The following TTC7A variants were observed in gnomAD, a reference collection of about 807,000 sequenced individuals.
The protein encoded by TTC7A is tetratricopeptide repeat domain 7A, also known as tetratricopeptide repeat protein 7A.
In TTC7A, 110 loss-of-function variants were observed where a neutral mutation model predicts 103.7. The observed-to-expected ratio is 1.06, with a 90% CI of 0.91 to 1.24. The LOEUF (loss-of-function observed/expected upper bound fraction) is 1.24. Among genes scored for constraint, TTC7A ranks in the 50% most tolerant of loss-of-function variants. TTC7A has a pLI of 0.00. For missense variants in TTC7A, 1,340 were observed against 1,116.3 expected, an observed-to-expected ratio of 1.20 and a Z score of -2.86; for synonymous variants, 521 against 467.9, an observed-to-expected ratio of 1.11 and a Z score of -1.47.
At chr2:47,058,439 T>G (rs1683497855) in intron 18 of TTC7A, among the ~76,000 whole-genome samples, 1 of 152,260 alleles carries the variant, frequency 6.6e-6, no homozygotes, top group African/African-American at 2.4e-5. Context: ...AGGCCTCTCC[T>G]GCTGCCTACT....
chr2:47,060,998 C>A, intron 19 of TTC7A, 27 bp downstream of exon 19: 1 of 1,555,264 alleles, frequency 6.4e-7, no homozygotes, highest in Non-Finnish European at 8.7e-7. Flanking sequence ...CGCGCTCCCA[C>A]CACCTCCTCC....
intron 2 of TTC7A, among the ~76,000 whole-genome samples, chr2:46,955,648 G>A (rs114684892): frequency 4.1e-4 from 63 of 152,342 alleles, no homozygotes; most frequent in African/African-American, 1.5e-3. Flanking sequence ...AGTTGGGAAG[G>A]TGAATTTGGC....
intron 3 of TTC7A, among the ~76,000 whole-genome samples, chr2:46,963,788 A>G (rs780732150): frequency 6.6e-6 from 1 of 152,114 alleles, no homozygotes; most frequent in Non-Finnish European, 1.5e-5. Context: ...CCAGGAGTAC[A>G]TGGTTCTTGC....
In TTC7A at chr2:47,073,978, A is replaced by C; in HGVS notation, c.*55A>C. ...TGGCCAGAGGGAGAGGCAGCAGGGAACGTGGGTCAGGGTGGGGCAACAGTG... is the reference window on the plus strand; with the variant it reads ...TGGCCAGAGGGAGAGGCAGCAGGGACCGTGGGTCAGGGTGGGGCAACAGTG... On this transcript the variant is annotated 3_prime_UTR_variant, in exon 20 of 20. Coordinates refer to ENST00000319190, the MANE Select transcript of TTC7A (RefSeq NM_020458.4). 1.3e-6 allele frequency: 2 copies of C among 1,491,228 alleles called. No individual in the cohort carries two copies. The highest frequency in any genetic ancestry group is 1.8e-6 in the Non-Finnish European group (2 of 1,090,358). The allele number at this position is 1,491,228 out of a possible 1,614,324, so 92.4% of individuals were successfully genotyped here.
intron 3 of TTC7A, among the ~76,000 whole-genome samples, chr2:46,974,314 T>G (rs1428163632): frequency 1.3e-5 from 2 of 152,176 alleles, no homozygotes; most frequent in African/African-American, 4.8e-5. Context: ...AAGTGCAGGG[T>G]CTGCATGACT....
In TTC7A at chr2:47,029,342, A is replaced by T; in HGVS notation, c.1760A>T (p.Asp587Val). ...SAQKHHQHAL[D>V]VVNMAITEHP... Reference sequence around the variant, plus strand: ...CAGAAGCACCACCAGCATGCCCTGGATGTTGTCAACATGGCCATCACCGAG... The same window carrying T: ...CAGAAGCACCACCAGCATGCCCTGGTTGTTGTCAACATGGCCATCACCGAG... Residue 587 changes from aspartate (D) to valine (V), a missense_variant, in exon 15 of 20, where the codon GAT becomes GTT. Transcript: ENST00000319190. The T allele has an allele frequency of 6.2e-7, 1 of 1,614,034 alleles. No individual in the cohort carries two copies. Among genetic ancestry groups the T allele is most frequent in the Non-Finnish European group, 8.5e-7 (1 of 1,180,030 alleles).
chr2:46,978,669 G>C (rs1674119797), intron 4 of TTC7A, 123 bp from the exon 5 acceptor site: 4 of 664,388 alleles, frequency 6.0e-6, no homozygotes, highest in Non-Finnish European at 1.1e-5. Flanking sequence ...CCTGGTCTGA[G>C]AATGCAACAA....
intron 2 of TTC7A, among the ~76,000 whole-genome samples, chr2:46,922,373 G>A (rs1389660175): frequency 1.3e-5 from 2 of 152,160 alleles, no homozygotes; most frequent in Non-Finnish European, 2.9e-5. Flanking sequence ...GGCCTGGGCT[G>A]AGGCTATGTT....
Position 46,975,072 on chromosome 2 carries a change from T to C in TTC7A, c.617T>C (p.Ile206Thr). ...ACCTGTTTTGAGAGGGCCTCCTGGA[T>C]CGCTCAGGTGTTCCTGCAGGAATTG... ...VITCFERASW[I>T]AQVFLQELEK... is the part of the protein sequence containing the mutation. Residue 206 changes from isoleucine to threonine, a missense_variant, in exon 4 of 20, where the codon ATC becomes ACC. Physicochemically the swap from Ile to Thr is moderately conservative, Grantham distance 89. Transcript: ENST00000319190. The C allele has an allele frequency of 6.2e-7, 1 of 1,613,978 alleles. No individual in the cohort carries two copies. Among genetic ancestry groups the C allele is most frequent in the Non-Finnish European group, 8.5e-7 (1 of 1,179,908 alleles).
At chr2:47,043,043 A>C (rs1681933178) in intron 15 of TTC7A, among the ~76,000 whole-genome samples, 1 of 152,134 alleles carries the variant, frequency 6.6e-6, no homozygotes, top group African/African-American at 2.4e-5. Context: ...AATGTCACCC[A>C]CCAGTCCTGA....
chr2:46,972,085 C>G (rs566016109), intron 3 of TTC7A, among the ~76,000 whole-genome samples: 1 of 152,174 alleles, frequency 6.6e-6, no homozygotes, highest in Admixed American at 6.5e-5. Flanking sequence ...AAAGCTGGAT[C>G]TAGGTACTCC....
rs149266167 is a variant in TTC7A, at chr2:47,073,911, C to T, written c.2565C>T (p.Pro855=). The change falls in exon 20 of 20, where the codon CCC becomes CCT. Residue 855 remains proline (P), a synonymous_variant. Coordinates refer to ENST00000319190, the MANE Select transcript of TTC7A (RefSeq NM_020458.4). The part of the protein sequence containing the change: ...SSPVLPFSII[P]REL ...CTGTACTGCCCTTCTCCATCATCCC[C>T]AGAGAGCTCTGACGACGCTGCAGCC... 3.7e-6 allele frequency: 6 copies of T among 1,611,932 alleles called. No homozygotes were observed. Among genetic ancestry groups the T allele is most frequent in the African/African-American group, 2.7e-5 (2 of 75,024 alleles).
In TTC7A at chr2:46,923,925, G is replaced by A. The variant is rs187053031; in HGVS notation, c.82+6648G>A. Among the ~76,000 whole-genome samples, 128 of 152,124 alleles carry A rather than the reference G, an allele frequency of 8.4e-4. 2 individuals are homozygous for A. The highest frequency in any genetic ancestry group is 2.4e-3 in the Admixed American group (36 of 15,286). ...TTTTCTTTGTATTTTTAGCAGAGAC[G>A]GAGTTTCACCATGTTGGCCAGGCTG... is the stretch of plus-strand genomic sequence containing the variant. On this transcript the variant is annotated intron_variant, in intron 2 of 20. Transcript: ENST00000409245.
intron 2 of TTC7A, among the ~76,000 whole-genome samples, chr2:46,926,136 T>C (rs1669371462): frequency 6.6e-6 from 1 of 152,156 alleles, no homozygotes; most frequent in Admixed American, 6.5e-5. Flanking sequence ...TTTCTTAGCA[T>C]TCCCTCCACA....
intron 5 of TTC7A, among the ~76,000 whole-genome samples, chr2:46,990,909 G>T (rs1675558251): frequency 1.3e-5 from 2 of 152,150 alleles, no homozygotes; most frequent in South Asian, 4.2e-4. Context: ...CCACCCCAGG[G>T]GTTGGTTGGT....
chr2:46,921,698 T>C (rs1669111095), intron 2 of TTC7A, among the ~76,000 whole-genome samples: 2 of 152,230 alleles, frequency 1.3e-5, no homozygotes, highest in Admixed American at 1.3e-4. Context: ...AAGACAATTT[T>C]TCCATGGAAG....
chr2:46,978,608 T>G, intron 4 of TTC7A, 184 bp from the exon 5 acceptor site: 26 of 392,280 alleles, frequency 6.6e-5, no homozygotes, highest in East Asian at 2.1e-4. Context: ...AACGGTTGGA[T>G]GGGGAGAGAA....
chr2:46,984,769 G>C (rs146236492), intron 5 of TTC7A, among the ~76,000 whole-genome samples: 79 of 152,284 alleles, frequency 5.2e-4, no homozygotes, highest in African/African-American at 1.9e-3. Context: ...AGGGAGGCTT[G>C]GAGAGGTTGA....
rs1454235579 is a variant in TTC7A, at chr2:47,053,559, G to T, written c.2152+1679G>T. Among the ~76,000 whole-genome samples the T allele has an allele frequency of 1.2e-3, 179 of 144,150 alleles. 1 individual carries two copies. Among genetic ancestry groups the T allele is most frequent in the South Asian group, 5.9e-3 (28 of 4,730 alleles). 94.6% of individuals were successfully genotyped at this position (144,150 alleles called of 152,430 possible). On this transcript the variant is annotated intron_variant, in intron 18 of 19. Coordinates refer to ENST00000319190, the MANE Select transcript of TTC7A (RefSeq NM_020458.4). ...GTTTGTTTGTTTGGTTGGTTGGTTG[G>T]TTGGTTGGTTGGTTGGTTGGTTGGT...
Sources: gnomAD v4.1 joint callset for allele counts (sites outside exome capture counted in the v4.1 genomes callset) on GRCh38, gnomAD v4.1.1 for gene constraint, MANE v1.5 for transcripts, NCBI Gene and HGNC (gene_info 2026-07-23, HGNC 2026-07-21) for gene names.